The following PDCD6IP variants were observed in gnomAD, a reference collection of about 807,000 sequenced individuals.
The protein encoded by PDCD6IP is programmed cell death 6 interacting protein.
Under a neutral mutation model 103.7 loss-of-function variants are expected in PDCD6IP, and 43 were observed. The observed-to-expected ratio is 0.41, with a 90% CI of 0.32 to 0.53. PDCD6IP has a LOEUF of 0.53. Among genes scored for constraint, PDCD6IP ranks in the 20% least tolerant of loss-of-function variants. The pLI is 0.16. For missense variants in PDCD6IP, 871 were observed against 1,036.7 expected, an observed-to-expected ratio of 0.84 and a Z score of 2.20; for synonymous variants, 354 against 378.7, an observed-to-expected ratio of 0.93 and a Z score of 0.76.
Position 33,868,333 on chromosome 3 carries a change from C to A in PDCD6IP, c.*1808C>A, listed in dbSNP as rs187994436. The A allele has an allele frequency of 2.0e-5, 3 of 152,324 alleles. No individual in the cohort carries two copies. Among genetic ancestry groups the A allele is most frequent in the Non-Finnish European group, 4.4e-5 (3 of 68,014 alleles). 9.4% of individuals were successfully genotyped at this position (152,324 alleles called of 1,614,324 possible). A position where few individuals can be genotyped will look rare whatever the true frequency, so the allele number is the denominator to read the frequency against. On this transcript the variant is annotated 3_prime_UTR_variant, in exon 18 of 18. Coordinates refer to ENST00000307296, the MANE Select transcript of PDCD6IP (RefSeq NM_013374.6). ...AAAGCAAAATTGGCCTGAATATTCTCTTGGGGAAAGAGGGCACCAAAGAAA... is the reference window on the plus strand; with the variant it reads ...AAAGCAAAATTGGCCTGAATATTCTATTGGGGAAAGAGGGCACCAAAGAAA...
intron 1 of PDCD6IP, among the ~76,000 whole-genome samples, chr3:33,804,526 C>T (rs528336291): frequency 7.6e-4 from 115 of 152,304 alleles, no homozygotes; most frequent in African/African-American, 2.6e-3. Context: ...ATTGGCAGAC[C>T]TTTTTGGCTC....
At chr3:33,809,426 T>C (rs1696669490) in intron 1 of PDCD6IP, among the ~76,000 whole-genome samples, 1 of 152,212 alleles carries the variant, frequency 6.6e-6, no homozygotes, top group African/African-American at 2.4e-5. Context: ...CTCGAATGTA[T>C]AGTGAATATC....
intron 6 of PDCD6IP, chr3:33,827,003 A>G (rs1377245723): frequency 2.1e-5 from 21 of 992,130 alleles, no homozygotes; most frequent in Non-Finnish European, 2.4e-5. Flanking sequence ...GACATAAAGA[A>G]AAAAGGAAAA....
rs757821681 is a variant in PDCD6IP at position 33,825,241 on chromosome 3, C to T, written c.517C>T (p.Arg173Ter). 1.2e-6 allele frequency: 2 copies of T among 1,613,452 alleles called. No homozygotes were observed. The highest frequency in any genetic ancestry group is 1.7e-6 in the Non-Finnish European group (2 of 1,179,754). Reference sequence around the variant, plus strand: ...AGAGACGGTTTTATCTGCCTTAAGTCGAGAGCCGACCGTGGACATATCTCC... The same window carrying T: ...AGAGACGGTTTTATCTGCCTTAAGTTGAGAGCCGACCGTGGACATATCTCC... ...IKETVLSALS[R>*]EPTVDISPDT... is the part of the protein sequence containing the mutation. The change falls in exon 5 of 18, where the codon CGA (arginine) becomes TGA (stop). Residue 173 changes from arginine (R) to a stop codon, truncating the protein, a stop_gained. Coordinates refer to ENST00000307296, the MANE Select transcript of PDCD6IP (RefSeq NM_013374.6). LOFTEE classifies it high-confidence loss of function.
intron 7 of PDCD6IP, among the ~76,000 whole-genome samples, chr3:33,830,951 A>G (rs1697231717): frequency 6.6e-6 from 1 of 152,194 alleles, no homozygotes; most frequent in Non-Finnish European, 1.5e-5. Context: ...AGTTATGGCT[A>G]CTAGCAAAGA....
rs113040366 is a variant in PDCD6IP at position 33,861,951 on chromosome 3, T to A, written c.2121-2055T>A. The stretch of plus-strand genomic sequence containing the variant: ...ACTACTGTCAGGTTGTTGGGCATAG[T>A]ACTAGTGGCATTTTATTTTATATCT... On this transcript the variant is annotated intron_variant, in intron 15 of 17. Transcript: ENST00000307296. Among the ~76,000 whole-genome samples, 381 of 152,332 alleles carry A rather than the reference T, an allele frequency of 2.5e-3. 4 individuals are homozygous for A. The highest frequency in any genetic ancestry group is 0.015 in the East Asian group (76 of 5,188).
chr3:33,854,373 G>A (rs1203189972), intron 14 of PDCD6IP, among the ~76,000 whole-genome samples: 6 of 152,082 alleles, frequency 3.9e-5, no homozygotes, highest in East Asian at 3.8e-4. Context: ...ATGGAAAAGC[G>A]GAGGGGCATG....
rs111356602 is a variant in PDCD6IP at position 33,826,615 on chromosome 3, T to G, written c.717+35T>G. Reference sequence around the variant, plus strand: ...TGTTTTTATAAACACTTGCTTACTTTGCATGTGAAATATTTAGACTTTTTT... The same window carrying G: ...TGTTTTTATAAACACTTGCTTACTTGGCATGTGAAATATTTAGACTTTTTT... On this transcript the variant is annotated intron_variant, in intron 6 of 17. Coordinates refer to ENST00000307296, the MANE Select transcript of PDCD6IP (RefSeq NM_013374.6). 7,420 of 1,608,514 alleles carry G rather than the reference T, an allele frequency of 4.6e-3. 50 individuals are homozygous for G. The highest frequency in any genetic ancestry group is 0.019 in the South Asian group (1,694 of 90,558).
intron 6 of PDCD6IP, chr3:33,827,957 A>C (rs1000038613): frequency 1.3e-5 from 2 of 152,220 alleles, no homozygotes; most frequent in Non-Finnish European, 2.9e-5. Flanking sequence ...GAAAGCACAC[A>C]AGGTAGTAAT....
intron 3 of PDCD6IP, among the ~76,000 whole-genome samples, chr3:33,820,722 CAT>C (rs1332778625): frequency 1.3e-5 from 2 of 152,162 alleles, no homozygotes; most frequent in Admixed American, 1.3e-4. Context: ...CGTGTTATAG[CAT>C]ATGATTTCCT....
At position 33,822,756 on chromosome 3, in the gene PDCD6IP, C is replaced by T. The variant is rs183752051; in HGVS notation, c.462+674C>T. Among the ~76,000 whole-genome samples the T allele has an allele frequency of 4.0e-3, 603 of 152,174 alleles. 1 individual carries two copies. Among genetic ancestry groups the T allele is most frequent in the Admixed American group, 7.0e-3 (107 of 15,284 alleles). On this transcript the variant is annotated intron_variant, in intron 4 of 17. Coordinates refer to ENST00000307296, the MANE Select transcript of PDCD6IP (RefSeq NM_013374.6). ...CTGCAAGCTCCGCCTCCTGGGTTCA[C>T]GCCATTCTCCTGTCTCAGCCTCCTG...
chr3:33,851,114 G>GA (rs1160611533), intron 12 of PDCD6IP, among the ~76,000 whole-genome samples: 5 of 152,266 alleles, frequency 3.3e-5, no homozygotes, highest in African/African-American at 1.2e-4. Context: ...GACTGTGGAA[G>GA]AAAGAGTAGA....
At chr3:33,832,040 C>T (rs1697255486) in intron 7 of PDCD6IP, among the ~76,000 whole-genome samples, 2 of 152,202 alleles carry the variant, frequency 1.3e-5, no homozygotes, top group Admixed American at 1.3e-4. Flanking sequence ...AAATCACGTA[C>T]ACAAGTTATC....
Position 33,845,565 on chromosome 3 carries a change from G to T in PDCD6IP, c.1618G>T (p.Ala540Ser). 6.2e-7 allele frequency: 1 copy of T among 1,610,782 alleles called. No homozygotes were observed. The highest frequency in any genetic ancestry group is 8.5e-7 in the Non-Finnish European group (1 of 1,178,056). Residue 540 changes from alanine (A) to serine (S), a missense_variant, in exon 12 of 18, where the codon GCA becomes TCA. This residue lies in a region of PDCD6IP where 266 missense variants were observed against 390.5 expected (regional missense o/e 0.68). Transcript: ENST00000307296. Reference sequence around the variant, plus strand: ...TGCTGCCATCCCTTCTGCTAATCCAGCAAAGACCATGCAGGGCAGTGAGGT... The same window carrying T: ...TGCTGCCATCCCTTCTGCTAATCCATCAAAGACCATGCAGGGCAGTGAGGT... ...LNAAIPSANP[A>S]KTMQGSEVVN...
Position 33,804,781 on chromosome 3 carries a change from ACT to A in PDCD6IP, c.209+5849_209+5850del, listed in dbSNP as rs10574970. ...TCCCCAGCTAGTTACTTTTTGCCAT[ACT>A]CTCTGCTGCAGTAGTGCTTGATTAA... On this transcript the variant is annotated intron_variant, in intron 1 of 17. Transcript: ENST00000307296. Among the ~76,000 whole-genome samples the A allele has an allele frequency of 5.5e-3, 832 of 152,198 alleles. 6 individuals carry two copies. Among genetic ancestry groups the A allele is most frequent in the African/African-American group, 0.018 (760 of 41,504 alleles).
intron 6 of PDCD6IP, chr3:33,827,860 A>G (rs1356635110): frequency 2.6e-5 from 4 of 152,216 alleles, no homozygotes; most frequent in Non-Finnish European, 5.9e-5. Flanking sequence ...AATAAAGCTC[A>G]TAAGGTATTT....
Position 33,865,356 on chromosome 3 carries a change from A to C in PDCD6IP, c.2358A>C (p.Pro786=), listed in dbSNP as rs1403584806. Residue 786 remains proline, a synonymous_variant, in exon 17 of 18, where the codon CCA becomes CCC. Coordinates refer to ENST00000307296, the MANE Select transcript of PDCD6IP (RefSeq NM_013374.6). ...GGGCTGGGACTGCTGCGCCAGCTCC[A>C]TCACAAACGCCTGGCTCAGCTCCTC... ...PVGAGTAAPA[P]SQTPGSAPPP... 1 of 1,601,770 alleles carries C rather than the reference A, an allele frequency of 6.2e-7. No homozygotes were observed. Among genetic ancestry groups the C allele is most frequent in the East Asian group, 2.3e-5 (1 of 43,494 alleles).
intron 15 of PDCD6IP, among the ~76,000 whole-genome samples, chr3:33,855,821 A>G (rs1028065112): frequency 6.6e-6 from 1 of 152,254 alleles, no homozygotes; most frequent in Non-Finnish European, 1.5e-5. Flanking sequence ...AGAATAGGTG[A>G]AAATTATGAG....
chr3:33,845,002 A>G (rs752494375), intron 11 of PDCD6IP, among the ~76,000 whole-genome samples: 8 of 152,142 alleles, frequency 5.3e-5, no homozygotes, highest in South Asian at 2.1e-4. Flanking sequence ...TTATCTTTGT[A>G]AAAAGTTCAT....
Sources: allele counts gnomAD v4.1 joint callset (sites outside exome capture counted in the v4.1 genomes callset), GRCh38; gene constraint gnomAD v4.1.1; regional missense constraint gnomAD v4.1.1; transcripts MANE v1.5; gene names NCBI Gene and HGNC (gene_info 2026-07-23, HGNC 2026-07-21).